NDUFA5: variants seen among roughly 807,000 people sequenced by gnomAD.
NDUFA5 encodes the protein NADH:ubiquinone oxidoreductase subunit A5.
In NDUFA5, 11 loss-of-function variants were observed where a neutral mutation model predicts 19.8. The observed-to-expected ratio is 0.56, with a 90% CI of 0.35 to 0.92. NDUFA5 has a LOEUF of 0.92. Among genes scored for constraint, NDUFA5 ranks in the 40% least tolerant of loss-of-function variants. NDUFA5 has a pLI of 0.01. For missense variants in NDUFA5, 109 were observed against 134.2 expected (o/e 0.81, Z 0.93); for synonymous variants, 47 against 46.8 (o/e 1.00, Z -0.01).
chr7:123,542,714 T>C (rs1797984139), intron 4 of NDUFA5, among the ~76,000 whole-genome samples: 1 of 152,146 alleles, frequency 6.6e-6, no homozygotes, highest in African/African-American at 2.4e-5. Context: ...AACTAACTGA[T>C]TCCATGACCC....
At chr7:123,578,953 T>C in the NDUFA5 span, among the ~76,000 whole-genome samples, 1 of 152,114 alleles carries the variant, frequency 6.6e-6, no homozygotes, top group Admixed American at 6.6e-5. Flanking sequence ...TGCAGGTTTG[T>C]TACATGGATA....
chr7:123,557,710 T>C (rs1798616151), intron 1 of NDUFA5, 65 bp downstream of exon 1: 2 of 1,613,786 alleles, frequency 1.2e-6, no homozygotes, highest in East Asian at 2.2e-5. Context: ...CCGCGGGAAG[T>C]AGGGCTATCG....
At chr7:123,548,997 C>T (rs1398641438) in intron 3 of NDUFA5, among the ~76,000 whole-genome samples, 3 of 147,874 alleles carry the variant, frequency 2.0e-5, no homozygotes, top group Admixed American at 1.4e-4. Flanking sequence ...ACTACTTACA[C>T]AGCATTACAT....
At chr7:123,596,094 T>C in the NDUFA5 span, among the ~76,000 whole-genome samples, 4 of 152,110 alleles carry the variant, frequency 2.6e-5, no homozygotes, top group African/African-American at 9.7e-5. Flanking sequence ...CTACTAAAGA[T>C]AAATCTAAAA....
the NDUFA5 span, among the ~76,000 whole-genome samples, chr7:123,590,932 T>C: frequency 0.73 from 111,222 of 151,980 alleles, 40,846 homozygotes; most frequent in African/African-American, 0.8. Flanking sequence ...TATCGATGAG[T>C]ATGGAATGTT....
At chr7:123,563,652 G>C in the NDUFA5 span, among the ~76,000 whole-genome samples, 1 of 152,314 alleles carries the variant, frequency 6.6e-6, no homozygotes, top group African/African-American at 2.4e-5. Flanking sequence ...TTGATACATA[G>C]TTGCCACAAA....
the NDUFA5 span, among the ~76,000 whole-genome samples, chr7:123,565,097 G>A: frequency 1.3e-5 from 2 of 152,080 alleles, no homozygotes; most frequent in South Asian, 2.1e-4. Context: ...AAGCCCAAAA[G>A]CCTGAAAACC....
At position 123,541,251 on chromosome 7, in the gene NDUFA5, T is replaced by C. The variant is rs1374422069; in HGVS notation, c.*868A>G. The C allele has an allele frequency of 1.3e-5, 2 of 152,216 alleles. No individual in the cohort carries two copies. Among genetic ancestry groups the C allele is most frequent in the Non-Finnish European group, 2.9e-5 (2 of 68,042 alleles). 9.4% of individuals were successfully genotyped at this position (152,216 alleles called of 1,614,324 possible). ...AGATATAAATTTCAGGAACTCTTAA[T>C]GTCTCTTCTTTTACAGAAACTCTAC... On this transcript the variant is annotated 3_prime_UTR_variant, in exon 5 of 5. Transcript: ENST00000355749.
the NDUFA5 span, among the ~76,000 whole-genome samples, chr7:123,589,471 GC>G: frequency 0.29 from 44,596 of 151,418 alleles, 6,694 homozygotes; most frequent in East Asian, 0.4. Context: ...CCCTCCTCCA[GC>G]CCCCCACCTC....
upstream of NDUFA5, among the ~76,000 whole-genome samples, chr7:123,560,494 T>C (rs1798675127): frequency 6.6e-6 from 1 of 152,200 alleles, no homozygotes; most frequent in Admixed American, 6.5e-5. Context: ...ACATTATACG[T>C]GATCTATCAG....
At chr7:123,584,597 C>T in the NDUFA5 span, among the ~76,000 whole-genome samples, 1 of 151,932 alleles carries the variant, frequency 6.6e-6, no homozygotes, top group Non-Finnish European at 1.5e-5. Context: ...AACATGACAG[C>T]ATTTTGTACA....
chr7:123,544,917 G>T lies in NDUFA5; in HGVS notation c.249+694C>A, dbSNP rs550655271. Among the ~76,000 whole-genome samples, 5 of 151,678 alleles carry T rather than the reference G, an allele frequency of 3.3e-5. No individual in the cohort carries two copies. The South Asian group carries it at 8.3e-4, about 25-fold the overall frequency. Reference sequence around the variant, plus strand: ...TAACCTAACTATGACCAAAGGAAAAGAATTAAAATTCAGATTAAATAAAAC... The same window carrying T: ...TAACCTAACTATGACCAAAGGAAAATAATTAAAATTCAGATTAAATAAAAC... On this transcript the variant is annotated intron_variant, in intron 4 of 4. Coordinates refer to ENST00000355749, the MANE Select transcript of NDUFA5 (RefSeq NM_005000.5).
the NDUFA5 span, among the ~76,000 whole-genome samples, chr7:123,574,734 A>G: frequency 6.6e-6 from 1 of 152,142 alleles, no homozygotes; most frequent in Non-Finnish European, 1.5e-5. Flanking sequence ...TACTTTGTTC[A>G]AAAGATCTTA....
chr7:123,555,234 T>C (rs1353421001), intron 2 of NDUFA5: 2 of 152,080 alleles, frequency 1.3e-5, no homozygotes, highest in African/African-American at 4.8e-5. Flanking sequence ...ATTAAAAGAT[T>C]TAGGAAAATC....
chr7:123,566,017 TAA>T, the NDUFA5 span, among the ~76,000 whole-genome samples: 11 of 129,558 alleles, frequency 8.5e-5, no homozygotes, highest in East Asian at 2.2e-4. Flanking sequence ...AGACTCCGTC[TAA>T]AAAAAAAAAA....
intron 4 of NDUFA5, among the ~76,000 whole-genome samples, chr7:123,544,223 G>A (rs1247194787): frequency 6.6e-6 from 1 of 152,128 alleles, no homozygotes; most frequent in Non-Finnish European, 1.5e-5. Flanking sequence ...TTTGAGCTGG[G>A]CAGGGTGGCT....
the NDUFA5 span, among the ~76,000 whole-genome samples, chr7:123,580,128 C>T: frequency 6.6e-6 from 1 of 151,908 alleles, no homozygotes. Context: ...CTTAAATTAG[C>T]AGAAGGATTT....
intron 2 of NDUFA5, among the ~76,000 whole-genome samples, chr7:123,553,637 A>T (rs555987601): frequency 6.6e-6 from 1 of 152,204 alleles, no homozygotes. Context: ...AAGAGATATT[A>T]TAATACTTAG....
the NDUFA5 span, among the ~76,000 whole-genome samples, chr7:123,593,098 C>CT: frequency 2.6e-4 from 39 of 150,786 alleles, no homozygotes; most frequent in East Asian, 6.2e-3. Flanking sequence ...GCAGCCCCTG[C>CT]TTTTTTTTTA....
Sources: allele counts gnomAD v4.1 joint callset (sites outside exome capture counted in the v4.1 genomes callset), GRCh38; gene constraint gnomAD v4.1.1; transcripts MANE v1.5; gene names NCBI Gene and HGNC (gene_info 2026-07-23, HGNC 2026-07-21).